Variants in CXCL17 observed in about 807,000 individuals in gnomAD.
CXCL17 encodes C-X-C motif chemokine 17.
A neutral mutation model predicts 15.5 loss-of-function variants in CXCL17; 9 were observed. That is an observed-to-expected ratio of 0.58 (90% confidence interval 0.35 to 1.01). The LOEUF (loss-of-function observed/expected upper bound fraction) is 1.01, where lower values mean the gene tolerates loss of function less well. Ranked by LOEUF, CXCL17 falls within the 50% of genes least tolerant of loss-of-function variation. CXCL17 has a pLI of 0.02. For synonymous variants in CXCL17, 52 were observed against 52.3 expected (o/e 0.99, Z 0.02); for missense variants, 133 against 138.2 (o/e 0.96, Z 0.19).
In CXCL17 at chr19:42,436,401, C is replaced by T. The variant is rs144076191; in HGVS notation, c.80-2545G>A. Among the ~76,000 whole-genome samples the T allele has an allele frequency of 3.8e-4, 58 of 152,302 alleles. 1 individual carries two copies. The highest frequency in any genetic ancestry group is 1.3e-3 in the African/African-American group (56 of 41,566). On this transcript the variant is annotated intron_variant, in intron 1 of 3. Coordinates refer to ENST00000601181, the MANE Select transcript of CXCL17 (RefSeq NM_198477.3). ...TTTTTACTCTTGCCTGACCTCTACTCCTAGTTCCAGAGAAAAACCACAGAA... is the reference window on the plus strand; with the variant it reads ...TTTTTACTCTTGCCTGACCTCTACTTCTAGTTCCAGAGAAAAACCACAGAA...
chr19:42,435,704 C>T (rs1008411381), intron 1 of CXCL17, among the ~76,000 whole-genome samples: 1 of 152,000 alleles, frequency 6.6e-6, no homozygotes, highest in Non-Finnish European at 1.5e-5. Context: ...GTGGCGCGTG[C>T]CTGTAGTCCC....
At chr19:42,429,853 C>T (rs1009124980) in intron 3 of CXCL17, among the ~76,000 whole-genome samples, 7 of 152,120 alleles carry the variant, frequency 4.6e-5, no homozygotes, top group African/African-American at 7.2e-5. Flanking sequence ...TTATACTATA[C>T]GTATTGCCTT....
intron 3 of CXCL17, among the ~76,000 whole-genome samples, chr19:42,430,394 G>A (rs1347917318): frequency 6.6e-6 from 1 of 151,654 alleles, no homozygotes; most frequent in African/African-American, 2.4e-5. Context: ...TCAGGGGTTC[G>A]AGACCAGCCT....
intron 1 of CXCL17, 54 bp downstream of exon 1, chr19:42,442,700 C>T: frequency 7.7e-7 from 1 of 1,293,418 alleles, no homozygotes; most frequent in South Asian, 1.2e-5. Context: ...TGTCTGTGGC[C>T]TGTTTTGCCA....
chr19:42,428,730 A>G lies in CXCL17; in HGVS notation c.*154T>C. ...GACACTAGAGAGAGCAACAAACAAA[A>G]TGATCTTGAAAAACATGCTTTTTGA... On this transcript the variant is annotated 3_prime_UTR_variant, in exon 4 of 4. Transcript: ENST00000601181. 2 of 685,560 alleles carry G rather than the reference A, an allele frequency of 2.9e-6. No individual in the cohort carries two copies. Among genetic ancestry groups the G allele is most frequent in the South Asian group, 1.7e-5 (1 of 59,150 alleles). The allele number at this position is 685,560 out of a possible 1,614,324, so 42.5% of individuals were successfully genotyped here. A position where few individuals can be genotyped will look rare whatever the true frequency, so the allele number is the denominator to read the frequency against.
intron 3 of CXCL17, 70 bp downstream of exon 3, chr19:42,432,906 A>G: frequency 8.7e-7 from 1 of 1,145,984 alleles, no homozygotes; most frequent in Non-Finnish European, 1.3e-6. Context: ...TTCTATTCTC[A>G]ACGTGCTTCT....
In CXCL17 at chr19:42,442,607, G is replaced by GT. The variant is rs1268834302; in HGVS notation, c.79+146dup. The GT allele has an allele frequency of 2.8e-5, 17 of 601,982 alleles. No individual in the cohort carries two copies. In the East Asian group the frequency reaches 3.7e-4, roughly 13 times the overall value. 37.3% of individuals were successfully genotyped at this position (601,982 alleles called of 1,614,324 possible). On this transcript the variant is annotated intron_variant, in intron 1 of 3. Transcript: ENST00000601181. ...TGTTTGGGTGTAAGTACAGTTTGCTGTTTTTTTGTAAAGGAGGAAACTGGC... is the reference window on the plus strand; with the variant it reads ...TGTTTGGGTGTAAGTACAGTTTGCTGTTTTTTTTGTAAAGGAGGAAACTGGC...
intron 1 of CXCL17, among the ~76,000 whole-genome samples, chr19:42,438,381 A>AAATATATAT (rs1555793041): frequency 1.6e-4 from 10 of 63,848 alleles, no homozygotes; most frequent in African/African-American, 3.8e-4. Context: ...AAAAAAAAAA[A>AAATATATAT]ATATATATAT....
At chr19:42,441,647 G>T (rs1391790954) in intron 1 of CXCL17, among the ~76,000 whole-genome samples, 1 of 152,156 alleles carries the variant, frequency 6.6e-6, no homozygotes, top group Non-Finnish European at 1.5e-5. Flanking sequence ...TTGGGGTGGA[G>T]AAGGGAGAAT....
chr19:42,434,268 C>T (rs2040811818), intron 1 of CXCL17, among the ~76,000 whole-genome samples: 1 of 152,166 alleles, frequency 6.6e-6, no homozygotes, highest in Non-Finnish European at 1.5e-5. Flanking sequence ...AGAATGGCTT[C>T]TAGATGGAAG....
intron 1 of CXCL17, among the ~76,000 whole-genome samples, 190 bp downstream of exon 1, chr19:42,442,564 G>A (rs549279183): frequency 2.0e-5 from 3 of 152,232 alleles, no homozygotes; most frequent in Non-Finnish European, 2.9e-5. Flanking sequence ...ACAATATCTC[G>A]TTTAACTCTC....
At chr19:42,432,257 G>A (rs1226694161) in intron 3 of CXCL17, among the ~76,000 whole-genome samples, 1 of 149,044 alleles carries the variant, frequency 6.7e-6, no homozygotes, top group African/African-American at 2.5e-5. Context: ...CAATTCGCGT[G>A]CCTCAACCTC....
In CXCL17 at chr19:42,433,801, T is replaced by C. The variant is rs75954299; in HGVS notation, c.135A>G (p.Glu45=). 1.2e-6 allele frequency: 2 copies of C among 1,613,994 alleles called. No homozygotes were observed. Among genetic ancestry groups the C allele is most frequent in the Admixed American group, 1.7e-5 (1 of 60,002 alleles). ...CTTTGCACTCACATTCTTGGCCGCC[T>C]TCCTGGAGCCATCTCCTAGAAGCCT... The part of the protein sequence containing the change: ...RGQASRRWLQ[E]GGQECECKDW... The change falls in exon 2 of 4, where the codon GAA becomes GAG. Residue 45 remains glutamate (E), a synonymous_variant. Coordinates refer to ENST00000601181, the MANE Select transcript of CXCL17 (RefSeq NM_198477.3).
chr19:42,440,193 A>G (rs1052642976), intron 1 of CXCL17, among the ~76,000 whole-genome samples: 4 of 151,968 alleles, frequency 2.6e-5, no homozygotes, highest in Non-Finnish European at 2.9e-5. Context: ...GTCTGATATT[A>G]TAAGTAATTT....
intron 2 of CXCL17, 98 bp downstream of exon 2, chr19:42,433,678 T>G: frequency 2.0e-6 from 2 of 992,964 alleles, no homozygotes; most frequent in Non-Finnish European, 3.2e-6. Context: ...ATGGGTGAGG[T>G]CAGCTGAGAT....
At chr19:42,429,274 A>G (rs747796615) in intron 3 of CXCL17, among the ~76,000 whole-genome samples, 11 of 148,338 alleles carry the variant, frequency 7.4e-5, no homozygotes, top group Admixed American at 1.3e-4. Flanking sequence ...TGATCCACCC[A>G]CCTCGGCCTC....
At chr19:42,439,158 G>A (rs2040866333) in intron 1 of CXCL17, among the ~76,000 whole-genome samples, 1 of 151,486 alleles carries the variant, frequency 6.6e-6, no homozygotes, top group Admixed American at 6.6e-5. Flanking sequence ...GGAGGCTGAG[G>A]TGGGAGGATC....
chr19:42,434,775 G>A (rs2040816775), intron 1 of CXCL17, among the ~76,000 whole-genome samples: 1 of 152,064 alleles, frequency 6.6e-6, no homozygotes, highest in Admixed American at 6.6e-5. Flanking sequence ...ACTATTAAAC[G>A]ATGGTATTTA....
chr19:42,435,666 C>G (rs569284903), intron 1 of CXCL17, among the ~76,000 whole-genome samples: 21 of 152,014 alleles, frequency 1.4e-4, no homozygotes, highest in African/African-American at 4.1e-4. Flanking sequence ...CCTGTCTTTA[C>G]TAAAAATACA....
Sources: allele counts gnomAD v4.1 joint callset (sites outside exome capture counted in the v4.1 genomes callset), GRCh38; gene constraint gnomAD v4.1.1; transcripts MANE v1.5; gene names NCBI Gene and HGNC (gene_info 2026-07-23, HGNC 2026-07-21).